The following GRID2 variants were observed in gnomAD, a reference collection of about 807,000 sequenced individuals.
GRID2 encodes glutamate receptor ionotropic, delta-2.
GRID2 carries 33 observed loss-of-function variants against 114.8 expected under a neutral mutation model. The observed-to-expected ratio is 0.29, with a 90% CI of 0.22 to 0.38. GRID2 has a LOEUF of 0.38. Ranked by LOEUF, GRID2 falls within the 10% of genes least tolerant of loss-of-function variation. GRID2 has a pLI of 1.00. For missense variants in GRID2, 1,184 were observed against 1,257.7 expected (o/e 0.94, Z 0.89); for synonymous variants, 505 against 449.9 (o/e 1.12, Z -1.55).
intron 2 of GRID2, among the ~76,000 whole-genome samples, chr4:92,676,602 G>A (rs1383815205): frequency 6.6e-6 from 1 of 151,956 alleles, no homozygotes; most frequent in African/African-American, 2.4e-5. Context: ...CTTAATTTAA[G>A]CTCCAAGACA....
intron 8 of GRID2, among the ~76,000 whole-genome samples, chr4:93,265,107 A>G (rs1413683185): frequency 6.6e-6 from 1 of 152,084 alleles, no homozygotes; most frequent in East Asian, 1.9e-4. Flanking sequence ...TTATAAAATT[A>G]AAATTGCATA....
At chr4:92,701,019 C>T (rs937070379) in intron 2 of GRID2, among the ~76,000 whole-genome samples, 29 of 145,552 alleles carry the variant, frequency 2.0e-4, no homozygotes, top group Non-Finnish European at 3.8e-4. Context: ...AAGACACATA[C>T]ATTACAGATA....
At chr4:92,537,963 CT>C (rs1210477867) in intron 1 of GRID2, among the ~76,000 whole-genome samples, 1 of 152,088 alleles carries the variant, frequency 6.6e-6, no homozygotes, top group African/African-American at 2.4e-5. Context: ...ATGTTATCTT[CT>C]GTCCAATCTT....
At chr4:92,782,839 C>T (rs1300036744) in intron 2 of GRID2, among the ~76,000 whole-genome samples, 3 of 151,992 alleles carry the variant, frequency 2.0e-5, no homozygotes, top group African/African-American at 7.2e-5. Context: ...CATCTTCCAA[C>T]AGAAGTTGGA....
At position 93,416,861 on chromosome 4, in the gene GRID2, T is replaced by C. The variant is rs186618371; in HGVS notation, c.1348-5910T>C. ...TATCAGCCACTGAAACACCCTTTTC[T>C]ACAAGCAGGTCTGTGGATCCTCATG... On this transcript the variant is annotated intron_variant, in intron 9 of 15. Coordinates refer to ENST00000282020, the MANE Select transcript of GRID2 (RefSeq NM_001510.4). Among the ~76,000 whole-genome samples the C allele has an allele frequency of 2.0e-3, 311 of 152,234 alleles. 2 individuals are homozygous for C. Among genetic ancestry groups the C allele is most frequent in the Admixed American group, 0.016 (250 of 15,266 alleles).
At chr4:93,735,190 T>TATAGAA (rs1297756424) in intron 14 of GRID2, among the ~76,000 whole-genome samples, 45 of 151,994 alleles carry the variant, frequency 3.0e-4, no homozygotes, top group Middle Eastern at 3.4e-3. Context: ...AAAATGTTGT[T>TATAGAA]CTATAACTAA....
intron 13 of GRID2, among the ~76,000 whole-genome samples, chr4:93,619,387 C>T (rs1301476913): frequency 6.6e-6 from 1 of 152,148 alleles, no homozygotes. Context: ...CTTATGTGGG[C>T]AATGAATTAT....
intron 2 of GRID2, among the ~76,000 whole-genome samples, chr4:92,854,244 T>A (rs1744023108): frequency 6.6e-6 from 1 of 152,014 alleles, no homozygotes; most frequent in South Asian, 2.1e-4. Context: ...AATGTTTGAA[T>A]TAATGTGCTG....
intron 14 of GRID2, among the ~76,000 whole-genome samples, chr4:93,644,549 TC>T (rs569712047): frequency 1.3e-5 from 2 of 152,292 alleles, no homozygotes; most frequent in African/African-American, 4.8e-5. Flanking sequence ...TGAACCAAGA[TC>T]CCTTTAGTAC....
At chr4:93,260,933 C>T (rs755733482) in intron 8 of GRID2, among the ~76,000 whole-genome samples, 2 of 151,698 alleles carry the variant, frequency 1.3e-5, no homozygotes, top group Admixed American at 6.6e-5. Flanking sequence ...CCTGTAGAAG[C>T]CAAAAGTAAC....
intron 4 of GRID2, among the ~76,000 whole-genome samples, chr4:93,182,547 A>G (rs765422225): frequency 2.0e-5 from 3 of 152,202 alleles, no homozygotes; most frequent in Non-Finnish European, 2.9e-5. Context: ...TCAGTTATGT[A>G]GAAATAGTGG....
intron 2 of GRID2, among the ~76,000 whole-genome samples, chr4:92,890,503 AT>A (rs1453558153): frequency 6.6e-6 from 1 of 152,220 alleles, no homozygotes; most frequent in Non-Finnish European, 1.5e-5. Context: ...CAAAAAACAT[AT>A]GAAAAAAAAA....
intron 8 of GRID2, among the ~76,000 whole-genome samples, chr4:93,288,350 A>G (rs1276829550): frequency 6.6e-6 from 1 of 152,214 alleles, no homozygotes; most frequent in Non-Finnish European, 1.5e-5. Flanking sequence ...CCAAATCCAA[A>G]TAGAGCATTT....
intron 1 of GRID2, among the ~76,000 whole-genome samples, chr4:92,383,353 T>G (rs1278402238): frequency 6.6e-6 from 1 of 152,036 alleles, no homozygotes; most frequent in Non-Finnish European, 1.5e-5. Flanking sequence ...AGTTTCTAAG[T>G]ATTGTAATTC....
chr4:92,619,593 C>G (rs1730170317), intron 2 of GRID2, among the ~76,000 whole-genome samples: 2 of 151,762 alleles, frequency 1.3e-5, no homozygotes, highest in South Asian at 2.1e-4. Context: ...ACACACCATT[C>G]CAAATCAAAT....
chr4:93,380,575 T>G (rs1763758436), intron 8 of GRID2, among the ~76,000 whole-genome samples: 1 of 151,630 alleles, frequency 6.6e-6, no homozygotes, highest in Admixed American at 6.6e-5. Flanking sequence ...TCTATCTGAG[T>G]TGCAGTTGGG....
intron 8 of GRID2, among the ~76,000 whole-genome samples, chr4:93,394,311 A>G (rs1765124609): frequency 6.6e-6 from 1 of 152,000 alleles, no homozygotes; most frequent in Admixed American, 6.6e-5. Flanking sequence ...GTGCTTTTAC[A>G]GTTGAAACTA....
Position 92,389,909 on chromosome 4 carries a change from A to T in GRID2, c.88+85165A>T, listed in dbSNP as rs75320832. On this transcript the variant is annotated intron_variant, in intron 1 of 15. Transcript: ENST00000282020. ...CTGGACTCAATCTTTTCAAAATTGC[A>T]GGTGCTATGAAACTGGAAGAAATAT... Among the ~76,000 whole-genome samples, 62 of 152,194 alleles carry T rather than the reference A, an allele frequency of 4.1e-4. No individual in the cohort carries two copies. The East Asian group carries it at 0.012, about 29-fold the overall frequency.
chr4:93,359,868 GT>G (rs1761719527), intron 8 of GRID2, among the ~76,000 whole-genome samples: 2 of 62,094 alleles, frequency 3.2e-5, no homozygotes, highest in African/African-American at 7.7e-5. Flanking sequence ...TAAGGAAGGT[GT>G]AAAAAAAAAA....
Sources: gnomAD v4.1 joint callset for allele counts (sites outside exome capture counted in the v4.1 genomes callset) on GRCh38, gnomAD v4.1.1 for gene constraint, MANE v1.5 for transcripts, NCBI Gene and HGNC (gene_info 2026-07-23, HGNC 2026-07-21) for gene names.